The following USP43 variants were observed in gnomAD, a reference collection of about 807,000 sequenced individuals.
The protein encoded by USP43 is ubiquitin specific peptidase 43.
In USP43, 33 loss-of-function variants were observed where a neutral mutation model predicts 90.7. That is an observed-to-expected ratio of 0.36 (90% confidence interval 0.28 to 0.49). USP43 has a LOEUF of 0.49. Among genes scored for constraint, USP43 ranks in the 20% least tolerant of loss-of-function variants. The pLI, the probability that USP43 is intolerant of heterozygous loss-of-function variation, is 0.98. For missense variants in USP43, 1,274 were observed against 1,476.4 expected (o/e 0.86, Z 2.25); for synonymous variants, 598 against 615.8 (o/e 0.97, Z 0.43).
intron 2 of USP43, among the ~76,000 whole-genome samples, chr17:9,661,365 TA>T (rs1346947521): frequency 2.6e-5 from 4 of 152,226 alleles, no homozygotes; most frequent in Non-Finnish European, 4.4e-5. Context: ...TTTATTTATT[TA>T]TTTTTTTTGA....
chr17:9,681,309 A>AATATATATAAATATAT (rs1914212355), intron 6 of USP43, among the ~76,000 whole-genome samples: 1 of 112,060 alleles, frequency 8.9e-6, no homozygotes, highest in Non-Finnish European at 1.7e-5. Flanking sequence ...AATATAGATA[A>AATATATATAAATATAT]ATATATATAA....
intron 14 of USP43, among the ~76,000 whole-genome samples, chr17:9,715,162 G>A (rs1916430349): frequency 6.6e-6 from 1 of 152,210 alleles, no homozygotes; most frequent in Non-Finnish European, 1.5e-5. Flanking sequence ...GGTAACCACA[G>A]AAACAAAGTC....
chr17:9,723,641 TG>T (rs1172917961), intron 14 of USP43, among the ~76,000 whole-genome samples: 2 of 149,050 alleles, frequency 1.3e-5, no homozygotes, highest in Non-Finnish European at 3.0e-5. Context: ...TGGAGTGCAG[TG>T]GTACGATCTT....
At chr17:9,659,487 TC>T (rs143506075) in intron 2 of USP43, among the ~76,000 whole-genome samples, 2,126 of 152,338 alleles carry the variant, frequency 0.014, 48 homozygotes, top group African/African-American at 0.047. Flanking sequence ...CCTAAAGCTT[TC>T]CTCATGCTTT....
Position 9,686,926 on chromosome 17 carries a change from C to G in USP43, c.1353+17C>G, listed in dbSNP as rs530972425. Reference sequence around the variant, plus strand: ...CCTGTACAGGTCAGTGGTGTGCATGCGTGTGTGTGTGTGTGCGTGCATGCG... The same window carrying G: ...CCTGTACAGGTCAGTGGTGTGCATGGGTGTGTGTGTGTGTGCGTGCATGCG... On this transcript the variant is annotated intron_variant, in intron 8 of 14. Coordinates refer to ENST00000285199, the MANE Select transcript of USP43 (RefSeq NM_153210.5). The surrounding 1 kb of genome is among the most constrained non-coding windows in gnomAD (Gnocchi z 5.5). 3 of 1,568,360 alleles carry G rather than the reference C, an allele frequency of 1.9e-6. No homozygotes were observed. The highest frequency in any genetic ancestry group is 1.7e-6 in the Non-Finnish European group (2 of 1,149,426).
chr17:9,657,919 G>T (rs1364137715), intron 2 of USP43, among the ~76,000 whole-genome samples: 1 of 148,676 alleles, frequency 6.7e-6, no homozygotes, highest in African/African-American at 2.5e-5. Context: ...TAATAGAAGA[G>T]AAGTTTCATG....
At chr17:9,688,276 C>T (rs953229361) in intron 8 of USP43, among the ~76,000 whole-genome samples, 2 of 151,656 alleles carry the variant, frequency 1.3e-5, no homozygotes, top group African/African-American at 2.4e-5. Context: ...TGTGAGCCAC[C>T]GTGCCCGGCC....
In USP43 at chr17:9,701,524, G is replaced by T. The variant is rs1265070339; in HGVS notation, c.1835G>T (p.Gly612Val). ...ACGCTGGTGAAGTTTCCGCTCTCTG[G>T]ACTCAACATGGCTCCCCATGTGGCC... ...LSTLVKFPLS[G>V]LNMAPHVAQR... The change falls in exon 12 of 15, where the codon GGA becomes GTA. Residue 612 changes from glycine to valine, a missense_variant. Around this residue, in one of 6 missense-constraint regions of USP43, gnomAD observed 285 missense variants for 349.6 expected, o/e 0.82. Transcript: ENST00000285199. The surrounding 1 kb of genome is among the most constrained non-coding windows in gnomAD (Gnocchi z 7.2). The T allele has an allele frequency of 5.1e-6, 8 of 1,566,084 alleles. No individual in the cohort carries two copies.
intron 2 of USP43, among the ~76,000 whole-genome samples, chr17:9,661,016 T>C (rs1912605823): frequency 6.6e-6 from 1 of 152,100 alleles, no homozygotes; most frequent in Non-Finnish European, 1.5e-5. Flanking sequence ...GAAACTCTGA[T>C]TTTTTTTCTC....
At chr17:9,684,678 G>T (rs1914494680) in intron 7 of USP43, among the ~76,000 whole-genome samples, 1 of 149,064 alleles carries the variant, frequency 6.7e-6, no homozygotes, top group Non-Finnish European at 1.5e-5. Flanking sequence ...CAGGAGAATT[G>T]CTTGAACCCG....
At chr17:9,681,474 A>T (rs1187275120) in intron 6 of USP43, among the ~76,000 whole-genome samples, 211 of 18,950 alleles carry the variant, frequency 0.011, 12 homozygotes, top group African/African-American at 0.1. Context: ...ATATATATAT[A>T]TATATATATA....
At chr17:9,723,153 A>G (rs1272591678) in intron 14 of USP43, among the ~76,000 whole-genome samples, 2 of 152,100 alleles carry the variant, frequency 1.3e-5, no homozygotes, top group African/African-American at 4.8e-5. Context: ...GTTTTCCCAC[A>G]GCCTCCCAGG....
At chr17:9,694,504 G>A (rs1323347639) in intron 9 of USP43, among the ~76,000 whole-genome samples, 1 of 152,142 alleles carries the variant, frequency 6.6e-6, no homozygotes, top group Admixed American at 6.5e-5. Flanking sequence ...GAATGTTAAA[G>A]CAATATGACA....
At chr17:9,665,514 A>G (rs1912980525) in intron 2 of USP43, among the ~76,000 whole-genome samples, 1 of 152,134 alleles carries the variant, frequency 6.6e-6, no homozygotes, top group African/African-American at 2.4e-5. Flanking sequence ...CTCACTCACT[A>G]ACACGAGAAC....
intron 14 of USP43, among the ~76,000 whole-genome samples, chr17:9,718,258 G>C (rs1160418772): frequency 6.6e-6 from 1 of 152,116 alleles, no homozygotes; most frequent in African/African-American, 2.4e-5. Flanking sequence ...TTTGCTTCAA[G>C]TTCAAGTTCA....
At chr17:9,725,608 G>A (rs1253518706) in intron 14 of USP43, among the ~76,000 whole-genome samples, 3 of 152,204 alleles carry the variant, frequency 2.0e-5, no homozygotes, top group South Asian at 2.1e-4. Context: ...GGAGAATAAA[G>A]ATAACAGGGG....
At chr17:9,676,670 C>G (rs1228682420) in intron 4 of USP43, 76 bp from the exon 5 acceptor site, 12 of 1,530,664 alleles carry the variant, frequency 7.8e-6, no homozygotes, top group Non-Finnish European at 1.1e-5. Flanking sequence ...CTGCGCCTGG[C>G]CTTGATCCAT....
intron 14 of USP43, among the ~76,000 whole-genome samples, chr17:9,714,477 C>T (rs925319141): frequency 1.6e-4 from 24 of 151,620 alleles, no homozygotes; most frequent in Non-Finnish European, 1.2e-4. Context: ...GTCAGGAGTT[C>T]GAGACCAGCC....
At chr17:9,649,546 G>A (rs562461875) in intron 1 of USP43, among the ~76,000 whole-genome samples, 10 of 151,676 alleles carry the variant, frequency 6.6e-5, no homozygotes, top group South Asian at 2.1e-4. Context: ...TTCCTTCTGC[G>A]GTTCTCAGTG....
Sources: gnomAD v4.1 joint callset for allele counts (sites outside exome capture counted in the v4.1 genomes callset) on GRCh38, gnomAD v4.1.1 for gene constraint, gnomAD v4.1.1 regional missense constraint, Gnocchi (gnomAD v3.1) non-coding constraint, MANE v1.5 for transcripts, NCBI Gene and HGNC (gene_info 2026-07-23, HGNC 2026-07-21) for gene names.